Variants in PRKG1 observed in about 807,000 individuals in gnomAD.
The protein encoded by PRKG1 is cGMP-dependent protein kinase 1.
In PRKG1, 35 loss-of-function variants were observed where a neutral mutation model predicts 88.1. The ratio of observed to expected loss-of-function variants is 0.40; its 90% CI spans 0.30 to 0.53. PRKG1 has a LOEUF of 0.53. Ranked by LOEUF, PRKG1 falls within the 20% of genes least tolerant of loss-of-function variation. PRKG1 has a pLI of 0.59. For synonymous variants in PRKG1, 303 were observed against 292.5 expected, an observed-to-expected ratio of 1.04 and a Z score of -0.37; for missense variants, 540 against 839.8, an observed-to-expected ratio of 0.64 and a Z score of 4.41.
chr10:52,226,065 C>A (rs926525593), intron 9 of PRKG1, among the ~76,000 whole-genome samples: 4 of 148,782 alleles, frequency 2.7e-5, no homozygotes, highest in Non-Finnish European at 4.4e-5. Context: ...TCCACTGTTC[C>A]ATCCTCAGCC....
chr10:51,533,776 C>T (rs868695764), intron 3 of PRKG1, among the ~76,000 whole-genome samples: 1 of 152,152 alleles, frequency 6.6e-6, no homozygotes, highest in Non-Finnish European at 1.5e-5. Context: ...TGGAACTTTA[C>T]AATTTTTCAC....
At chr10:51,312,451 G>T (rs761348107) in intron 2 of PRKG1, among the ~76,000 whole-genome samples, 1 of 152,190 alleles carries the variant, frequency 6.6e-6, no homozygotes, top group African/African-American at 2.4e-5. Flanking sequence ...TCAACTCACT[G>T]TCAGGGTGAC....
intron 2 of PRKG1, among the ~76,000 whole-genome samples, chr10:51,225,945 T>G (rs1838681169): frequency 6.6e-6 from 1 of 152,198 alleles, no homozygotes; most frequent in African/African-American, 2.4e-5. Flanking sequence ...GGCTCATGTT[T>G]GTAATCCTAG....
intron 4 of PRKG1, among the ~76,000 whole-genome samples, chr10:51,822,517 CA>C (rs1444934744): frequency 6.6e-6 from 1 of 151,992 alleles, no homozygotes; most frequent in African/African-American, 2.4e-5. Context: ...TTCTGTCAGC[CA>C]CATAGATTGT....
At chr10:51,017,152 TA>T (rs1197737756) in intron 1 of PRKG1, among the ~76,000 whole-genome samples, 1 of 152,140 alleles carries the variant, frequency 6.6e-6, no homozygotes, top group African/African-American at 2.4e-5. Context: ...ACATCTCCTC[TA>T]AAAAGCCTTC....
chr10:51,012,851 G>A (rs1312097352), intron 1 of PRKG1, among the ~76,000 whole-genome samples: 1 of 152,252 alleles, frequency 6.6e-6, no homozygotes, highest in Non-Finnish European at 1.5e-5. Context: ...GGTATGGTTG[G>A]AGATAAACTC....
intron 9 of PRKG1, among the ~76,000 whole-genome samples, chr10:52,170,552 C>G (rs898150233): frequency 6.6e-6 from 1 of 152,146 alleles, no homozygotes; most frequent in African/African-American, 2.4e-5. Flanking sequence ...ACAATCACCC[C>G]CCTCTCCACT....
intron 4 of PRKG1, among the ~76,000 whole-genome samples, chr10:51,854,714 C>T (rs1341411033): frequency 2.0e-5 from 3 of 152,028 alleles, no homozygotes; most frequent in African/African-American, 7.2e-5. Context: ...AGGATGTACA[C>T]CAAACTAAAG....
intron 7 of PRKG1, among the ~76,000 whole-genome samples, chr10:52,092,605 T>C (rs531369005): frequency 6.6e-6 from 1 of 152,324 alleles, no homozygotes; most frequent in Non-Finnish European, 1.5e-5. Context: ...TGATTGATAC[T>C]TGATCCAACT....
chr10:51,393,349 C>T (rs1379938746), intron 2 of PRKG1, among the ~76,000 whole-genome samples: 1 of 149,616 alleles, frequency 6.7e-6, no homozygotes, highest in African/African-American at 2.5e-5. Context: ...GGATGGCGGC[C>T]GGGCAGAGAT....
intron 3 of PRKG1, among the ~76,000 whole-genome samples, chr10:51,735,326 T>A (rs1290759238): frequency 6.6e-6 from 1 of 152,180 alleles, no homozygotes; most frequent in African/African-American, 2.4e-5. Flanking sequence ...TTGAGCTTGA[T>A]GTATGTTTTA....
chr10:51,215,116 C>T (rs1187534716), intron 2 of PRKG1, among the ~76,000 whole-genome samples: 1 of 152,100 alleles, frequency 6.6e-6, no homozygotes, highest in African/African-American at 2.4e-5. Context: ...CATCTAATGC[C>T]AATCAGAACT....
chr10:51,364,213 C>T (rs189891677), intron 2 of PRKG1, among the ~76,000 whole-genome samples: 1 of 152,078 alleles, frequency 6.6e-6, no homozygotes, highest in Non-Finnish European at 1.5e-5. Context: ...ACTGGATCTT[C>T]ACTCTATCCA....
At chr10:51,111,635 C>G (rs183133688) in intron 1 of PRKG1, among the ~76,000 whole-genome samples, 3 of 152,124 alleles carry the variant, frequency 2.0e-5, no homozygotes, top group African/African-American at 7.2e-5. Context: ...TGGGCAATAG[C>G]AGGATGCAGG....
At chr10:51,646,016 A>C (rs1168989204) in intron 3 of PRKG1, among the ~76,000 whole-genome samples, 3 of 152,176 alleles carry the variant, frequency 2.0e-5, no homozygotes, top group African/African-American at 7.2e-5. Context: ...ATTTCCAAAA[A>C]ATCCTGTTGG....
At chr10:52,050,335 G>A (rs945990597) in intron 5 of PRKG1, among the ~76,000 whole-genome samples, 1 of 152,000 alleles carries the variant, frequency 6.6e-6, no homozygotes, top group Non-Finnish European at 1.5e-5. Flanking sequence ...TAATAACTAT[G>A]GAAACCTTTG....
intron 3 of PRKG1, chr10:51,695,549 A>G (rs1841266857): frequency 6.6e-6 from 1 of 152,230 alleles, no homozygotes; most frequent in African/African-American, 2.4e-5. Flanking sequence ...AAAGACTAAC[A>G]TTTAATAATT....
intron 3 of PRKG1, among the ~76,000 whole-genome samples, chr10:51,789,320 A>G (rs1838808268): frequency 6.6e-6 from 1 of 152,188 alleles, no homozygotes; most frequent in Admixed American, 6.5e-5. Flanking sequence ...TTGTGTCATC[A>G]TGAGAGGGTT....
chr10:51,922,034 G>T (rs11000137), intron 5 of PRKG1, among the ~76,000 whole-genome samples: 24,597 of 151,624 alleles, frequency 0.16, 2,799 homozygotes, highest in East Asian at 0.5. Context: ...GAATCTATTA[G>T]GGCCTAGTGC....
Sources: gnomAD v4.1 joint callset for allele counts (sites outside exome capture counted in the v4.1 genomes callset) on GRCh38, gnomAD v4.1.1 for gene constraint, MANE v1.5 for transcripts, NCBI Gene and HGNC (gene_info 2026-07-23, HGNC 2026-07-21) for gene names.